Variants in LDB2 observed in about 807,000 individuals in gnomAD.
The protein encoded by LDB2 is LIM domain-binding protein 2.
Under a neutral mutation model 44.3 loss-of-function variants are expected in LDB2, and 12 were observed. That is an observed-to-expected ratio of 0.27 (90% CI 0.17 to 0.44). LDB2 has a LOEUF of 0.44. LDB2 is among the 20% of genes least tolerant of loss of function. The pLI, the probability that LDB2 is intolerant of heterozygous loss-of-function variation, is 1.00. For missense variants in LDB2, 344 were observed against 473.5 expected (o/e 0.73, Z 2.54); for synonymous variants, 164 against 174.8 (o/e 0.94, Z 0.49).
At chr4:16,508,411 T>A in intron 7 of LDB2, 124 bp downstream of exon 7, 284 of 787,596 alleles carry the variant, frequency 3.6e-4, no homozygotes, top group Middle Eastern at 1.3e-3. Flanking sequence ...CTTTTATCCC[T>A]CCCCCACCTC....
chr4:16,793,935 T>C (rs776691327), intron 1 of LDB2, among the ~76,000 whole-genome samples: 14 of 152,112 alleles, frequency 9.2e-5, no homozygotes, highest in South Asian at 2.1e-4. Flanking sequence ...AAAGCACTTA[T>C]CTGGGACCTG....
At chr4:16,857,720 C>A (rs1460253328) in intron 1 of LDB2, among the ~76,000 whole-genome samples, 1 of 152,176 alleles carries the variant, frequency 6.6e-6, no homozygotes. Flanking sequence ...AAGCCTCATT[C>A]TCTCACTTTA....
chr4:16,638,999 C>T (rs1578394034), intron 2 of LDB2, among the ~76,000 whole-genome samples: 1 of 152,170 alleles, frequency 6.6e-6, no homozygotes, highest in East Asian at 1.9e-4. Context: ...AGAAACATTC[C>T]CTGATGTTGC....
intron 1 of LDB2, among the ~76,000 whole-genome samples, chr4:16,849,407 C>G (rs962147239): frequency 6.6e-6 from 1 of 152,158 alleles, no homozygotes; most frequent in African/African-American, 2.4e-5. Flanking sequence ...TCTTATTCAT[C>G]GTGTCCATTG....
At chr4:16,631,403 C>T (rs757236235) in intron 2 of LDB2, among the ~76,000 whole-genome samples, 47 of 152,126 alleles carry the variant, frequency 3.1e-4, no homozygotes, top group African/African-American at 8.2e-4. Context: ...AAAGATACAA[C>T]GCACCGGAAT....
chr4:16,505,721 C>A, intron 7 of LDB2: 1 of 912,348 alleles, frequency 1.1e-6, no homozygotes, highest in Non-Finnish European at 1.6e-6. Flanking sequence ...TGAGAGAGGT[C>A]CATATGCCCT....
chr4:16,670,272 T>C (rs1230240121), intron 2 of LDB2, among the ~76,000 whole-genome samples: 1 of 152,212 alleles, frequency 6.6e-6, no homozygotes, highest in Non-Finnish European at 1.5e-5. Context: ...GTAGGTCGCT[T>C]AGATATTTGG....
At chr4:16,542,730 T>TTTC (rs1734269931) in intron 5 of LDB2, among the ~76,000 whole-genome samples, 1 of 152,052 alleles carries the variant, frequency 6.6e-6, no homozygotes, top group Admixed American at 6.6e-5. Flanking sequence ...CAATAATTTT[T>TTTC]TTTTAACCAA....
At chr4:16,512,993 C>T (rs73115981) in intron 5 of LDB2, among the ~76,000 whole-genome samples, 12,997 of 152,264 alleles carry the variant, frequency 0.085, 851 homozygotes, top group African/African-American at 0.17. Context: ...TGGAATTGCA[C>T]ATTAATCACT....
intron 2 of LDB2, among the ~76,000 whole-genome samples, chr4:16,606,808 G>A (rs910610535): frequency 1.3e-5 from 2 of 152,192 alleles, no homozygotes; most frequent in Non-Finnish European, 2.9e-5. Context: ...ATTTCAATAT[G>A]TTTTATCAGG....
chr4:16,879,686 C>T (rs1006152172), intron 1 of LDB2, among the ~76,000 whole-genome samples: 5 of 152,192 alleles, frequency 3.3e-5, no homozygotes, highest in Admixed American at 6.5e-5. Flanking sequence ...AGCTTGCAAA[C>T]AGCAGATCAT....
At chr4:16,588,046 G>A (rs572633486) in intron 4 of LDB2, among the ~76,000 whole-genome samples, 1 of 151,376 alleles carries the variant, frequency 6.6e-6, no homozygotes, top group South Asian at 2.1e-4. Context: ...ATAGAGGAGA[G>A]ACTTAAATTT....
At chr4:16,825,096 G>T (rs940331203) in intron 1 of LDB2, among the ~76,000 whole-genome samples, 1 of 152,150 alleles carries the variant, frequency 6.6e-6, no homozygotes, top group Non-Finnish European at 1.5e-5. Flanking sequence ...GGGGTGGCTG[G>T]AAAGAGAGAC....
At chr4:16,857,906 G>A (rs1039301216) in intron 1 of LDB2, among the ~76,000 whole-genome samples, 6 of 151,776 alleles carry the variant, frequency 4.0e-5, no homozygotes, top group Admixed American at 2.6e-4. Flanking sequence ...TTTGTTTACC[G>A]TCCCTCCCTC....
chr4:16,730,311 G>T (rs972030366), intron 2 of LDB2, among the ~76,000 whole-genome samples: 1 of 152,012 alleles, frequency 6.6e-6, no homozygotes, highest in Non-Finnish European at 1.5e-5. Context: ...TTGCTTCACG[G>T]TCATTATCAT....
chr4:16,830,255 G>A (rs765674844), intron 1 of LDB2, among the ~76,000 whole-genome samples: 15 of 152,272 alleles, frequency 9.9e-5, no homozygotes, highest in South Asian at 2.1e-4. Context: ...TGGATCATGC[G>A]GGTGGTTTCC....
chr4:16,703,498 G>A (rs1425303165), intron 2 of LDB2, among the ~76,000 whole-genome samples: 2 of 152,198 alleles, frequency 1.3e-5, no homozygotes, highest in Admixed American at 6.5e-5. Context: ...AGAGCAGTTG[G>A]ACATATGACA....
At chr4:16,593,020 T>C (rs1719659601) in intron 3 of LDB2, among the ~76,000 whole-genome samples, 1 of 152,116 alleles carries the variant, frequency 6.6e-6, no homozygotes, top group East Asian at 1.9e-4. Flanking sequence ...AAATTCTAAT[T>C]ACACATTTAT....
rs951333286 is a variant in LDB2, at chr4:16,863,435, A to C, written c.132+34919T>G. Among the ~76,000 whole-genome samples, 3 of 152,184 alleles carry C rather than the reference A, an allele frequency of 2.0e-5. No individual in the cohort carries two copies. In the East Asian group the frequency reaches 5.8e-4, roughly 29 times the overall value. On this transcript the variant is annotated intron_variant, in intron 1 of 7. Transcript: ENST00000304523. ...TTCTTTACTTATCACCTCCAGCACC[A>C]AGGGATTGTGGTGCAAGTGGGGAGC... is the stretch of plus-strand genomic sequence containing the variant.
Sources: allele counts gnomAD v4.1 joint callset (sites outside exome capture counted in the v4.1 genomes callset), GRCh38; gene constraint gnomAD v4.1.1; transcripts MANE v1.5; gene names NCBI Gene and HGNC (gene_info 2026-07-23, HGNC 2026-07-21).